GALNT10: variants seen among roughly 807,000 people sequenced by gnomAD.
GALNT10 encodes GalNAc transferase 10.
Under a neutral mutation model 75.0 loss-of-function variants are expected in GALNT10, and 41 were observed. The ratio of observed to expected loss-of-function variants is 0.55; its 90% confidence interval spans 0.43 to 0.71. The LOEUF (loss-of-function observed/expected upper bound fraction) is 0.71. Among genes scored for constraint, GALNT10 ranks in the 30% least tolerant of loss-of-function variants. The pLI, the probability that GALNT10 is intolerant of heterozygous loss-of-function variation, is 0.00. For missense variants in GALNT10, 727 were observed against 818.5 expected, an observed-to-expected ratio of 0.89 and a Z score of 1.36; for synonymous variants, 302 against 313.0, an observed-to-expected ratio of 0.96 and a Z score of 0.37.
Position 154,354,997 on chromosome 5 carries a change from A to G in GALNT10, c.569-21280A>G, listed in dbSNP as rs114659873. 3.9e-3 allele frequency among the ~76,000 whole-genome samples: 599 copies of G among 152,336 alleles called. 5 individuals are homozygous for G. The highest frequency in any genetic ancestry group is 0.014 in the African/African-American group (571 of 41,574). Reference sequence around the variant, plus strand: ...TCTCATTGCCCCAGCCAGACTGTCAAGTCGTTGTGGTACTGTTTGTGCATC... The same window carrying G: ...TCTCATTGCCCCAGCCAGACTGTCAGGTCGTTGTGGTACTGTTTGTGCATC... On this transcript the variant is annotated intron_variant, in intron 4 of 11. Transcript: ENST00000297107.
chr5:154,313,527 G>T (rs568099652), intron 3 of GALNT10, among the ~76,000 whole-genome samples: 27 of 152,240 alleles, frequency 1.8e-4, no homozygotes, highest in Non-Finnish European at 3.5e-4. Flanking sequence ...TGAATAATAA[G>T]AATAAACCTC....
Position 154,412,763 on chromosome 5 carries a change from T to C in GALNT10, c.1387-126T>C. 2.6e-6 allele frequency: 2 copies of C among 754,876 alleles called. No individual in the cohort carries two copies. Among genetic ancestry groups the C allele is most frequent in the South Asian group, 1.4e-5 (1 of 69,080 alleles). The allele number at this position is 754,876 out of a possible 1,614,324, so 46.8% of individuals were successfully genotyped here. The stretch of plus-strand genomic sequence containing the variant: ...ACTTCCAACAGCCCAGGGCAAGCTT[T>C]ATCAAGACGATTTGAAGGTTAATCC... On this transcript the variant is annotated intron_variant, in intron 9 of 11. Transcript: ENST00000297107. The surrounding 1 kb of genome is among the most constrained non-coding windows in gnomAD (Gnocchi z 4.2).
At chr5:154,399,477 G>C (rs1004057130) in intron 7 of GALNT10, among the ~76,000 whole-genome samples, 1 of 152,172 alleles carries the variant, frequency 6.6e-6, no homozygotes, top group African/African-American at 2.4e-5. Flanking sequence ...GACAAACCCA[G>C]CCAGGATCCA....
intron 7 of GALNT10, among the ~76,000 whole-genome samples, chr5:154,389,763 A>G (rs185864712): frequency 6.6e-6 from 1 of 152,066 alleles, no homozygotes; most frequent in Non-Finnish European, 1.5e-5. Flanking sequence ...AATACAATTA[A>G]AAGTATACAA....
chr5:154,386,275 C>T (rs201125715), intron 6 of GALNT10, 38 bp from the exon 7 acceptor site: 87 of 1,437,576 alleles, frequency 6.1e-5, no homozygotes, highest in Middle Eastern at 3.9e-4. Context: ...GTGGCCAGGA[C>T]ATCTGCACCT....
chr5:154,228,395 A>G (rs1561635054), intron 1 of GALNT10, among the ~76,000 whole-genome samples: 1 of 152,220 alleles, frequency 6.6e-6, no homozygotes, highest in South Asian at 2.1e-4. Context: ...ATGCATATGT[A>G]TATGAACTCA....
In GALNT10 at chr5:154,409,586, T is replaced by G; in HGVS notation, c.1210T>G (p.Tyr404Asp). The change falls in exon 9 of 12, where the codon TAC becomes GAC. Residue 404 changes from tyrosine to aspartate, a missense_variant. Coordinates refer to ENST00000297107, the MANE Select transcript of GALNT10 (RefSeq NM_198321.4). This position sits in a 1 kb window ranked among gnomAD's most constrained non-coding sequence, Gnocchi z 4.5. ...AGTGTGGATGGATGAGTACGCAGAG[T>G]ACATTTACCAGCGCCGGCCTGAATA... is the stretch of plus-strand genomic sequence containing the variant. ...AEVWMDEYAE[Y>D]IYQRRPEYRH... The G allele has an allele frequency of 6.2e-7, 1 of 1,613,908 alleles. No individual in the cohort carries two copies. The highest frequency in any genetic ancestry group is 8.5e-7 in the Non-Finnish European group (1 of 1,179,900).
At chr5:154,332,026 A>G (rs1415304494) in intron 4 of GALNT10, among the ~76,000 whole-genome samples, 2 of 152,096 alleles carry the variant, frequency 1.3e-5, no homozygotes, top group Non-Finnish European at 2.9e-5. Flanking sequence ...TGGATTCAGC[A>G]CCCAGACCCT....
intron 4 of GALNT10, among the ~76,000 whole-genome samples, chr5:154,359,739 T>A (rs938060761): frequency 2.0e-5 from 3 of 151,526 alleles, no homozygotes; most frequent in South Asian, 2.1e-4. Flanking sequence ...TGGAGGCCTG[T>A]CTAGTTTGTG....
At chr5:154,337,428 G>C (rs1165572075) in intron 4 of GALNT10, 1 of 640,404 alleles carries the variant, frequency 1.6e-6, no homozygotes, top group Non-Finnish European at 2.9e-6. Context: ...CACTTCTCTG[G>C]CTATCCTCTC....
chr5:154,340,516 T>A (rs374461290), intron 4 of GALNT10, among the ~76,000 whole-genome samples: 16 of 152,304 alleles, frequency 1.1e-4, no homozygotes, highest in African/African-American at 3.6e-4. Context: ...TTGATACATC[T>A]CTATATGTCT....
chr5:154,249,776 C>T (rs1383095821), intron 1 of GALNT10, among the ~76,000 whole-genome samples: 3 of 152,200 alleles, frequency 2.0e-5, no homozygotes, highest in Non-Finnish European at 4.4e-5. Context: ...CTGCCCTTTA[C>T]CCTAGGCAGC....
chr5:154,299,373 T>C (rs979345941), intron 3 of GALNT10, among the ~76,000 whole-genome samples: 6 of 152,246 alleles, frequency 3.9e-5, no homozygotes, highest in Non-Finnish European at 7.3e-5. Context: ...CTAAAATCCC[T>C]GTGAGGTTAT....
intron 1 of GALNT10, among the ~76,000 whole-genome samples, chr5:154,264,911 A>C (rs772040227): frequency 1.1e-4 from 17 of 152,156 alleles, no homozygotes; most frequent in Non-Finnish European, 1.9e-4. Flanking sequence ...CTGTCAAAAG[A>C]GTGGGCTTTC....
intron 3 of GALNT10, among the ~76,000 whole-genome samples, chr5:154,310,234 G>A (rs775140584): frequency 1.4e-4 from 22 of 152,014 alleles, no homozygotes; most frequent in African/African-American, 1.9e-4. Flanking sequence ...GAGCAAGCTC[G>A]CCTGACACCT....
At chr5:154,245,290 C>T (rs976143687) in intron 1 of GALNT10, among the ~76,000 whole-genome samples, 8 of 152,146 alleles carry the variant, frequency 5.3e-5, no homozygotes, top group Admixed American at 1.3e-4. Flanking sequence ...CAGTCGGATA[C>T]GGGGAGGTGA....
chr5:154,344,189 ATTTC>A (rs138486038), intron 4 of GALNT10, among the ~76,000 whole-genome samples: 1,490 of 143,940 alleles, frequency 0.01, 104 homozygotes, highest in Non-Finnish European at 0.012. Context: ...TACAAAATAA[ATTTC>A]TTTCTTTCTT....
chr5:154,286,833 G>A (rs761575370), intron 1 of GALNT10, among the ~76,000 whole-genome samples: 13 of 152,200 alleles, frequency 8.5e-5, no homozygotes, highest in Non-Finnish European at 1.8e-4. Context: ...CCTGACGTGG[G>A]CCCAGCAGAC....
At position 154,330,908 on chromosome 5, in the gene GALNT10, G is replaced by GGGGTGTGT. The variant is rs769311099; in HGVS notation, c.568+1171_568+1172insGGTGTGTG. Among the ~76,000 whole-genome samples the GGGGTGTGT allele has an allele frequency of 9.9e-3, 1,243 of 126,028 alleles. 21 individuals carry two copies. The highest frequency in any genetic ancestry group is 0.032 in the African/African-American group (1,209 of 37,842). The allele number at this position is 126,028 out of a possible 152,430, so 82.7% of individuals were successfully genotyped here. A position where few individuals can be genotyped will look rare whatever the true frequency, so the allele number is the denominator to read the frequency against. ...ACAGAGGCCTCAGAGAGACAGAGAGGGTGTGTGTGTGTGTGTGTGTGTGTG... is the reference window on the plus strand; with the variant it reads ...ACAGAGGCCTCAGAGAGACAGAGAGGGGGTGTGTGTGTGTGTGTGTGTGTGTGTGTGTG... On this transcript the variant is annotated intron_variant, in intron 4 of 11. Transcript: ENST00000297107.
Sources: gnomAD v4.1 joint callset for allele counts (sites outside exome capture counted in the v4.1 genomes callset) on GRCh38, gnomAD v4.1.1 for gene constraint, Gnocchi (gnomAD v3.1) non-coding constraint, MANE v1.5 for transcripts, NCBI Gene and HGNC (gene_info 2026-07-23, HGNC 2026-07-21) for gene names.